Variants in KCNU1 observed in about 807,000 individuals in gnomAD.
KCNU1 encodes potassium calcium-activated channel subfamily U member 1, also known as potassium channel subfamily U member 1.
In KCNU1, 93 loss-of-function variants were observed where a neutral mutation model predicts 126.8. That is an observed-to-expected ratio of 0.73 (90% CI 0.62 to 0.87). KCNU1 has a LOEUF of 0.87. KCNU1 is among the 40% of genes least tolerant of loss of function. The probability of loss-of-function intolerance (pLI) is 0.00; values close to 1 mark genes in which losing one functional copy is unlikely to be tolerated. For synonymous variants in KCNU1, 523 were observed against 494.2 expected, an observed-to-expected ratio of 1.06 and a Z score of -0.77; for missense variants, 1,330 against 1,367.1, an observed-to-expected ratio of 0.97 and a Z score of 0.43.
intron 2 of KCNU1, among the ~76,000 whole-genome samples, chr8:36,793,344 A>G (rs1248225319): frequency 1.3e-5 from 2 of 151,958 alleles, no homozygotes; most frequent in African/African-American, 4.8e-5. Flanking sequence ...CCTAGAACTT[A>G]AAGTATAATA....
At position 36,918,896 on chromosome 8, in the gene KCNU1, G is replaced by C; in HGVS notation, c.2595G>C (p.Leu865=). The C allele has an allele frequency of 6.3e-7, 1 of 1,575,770 alleles. No homozygotes were observed. Among genetic ancestry groups the C allele is most frequent in the Non-Finnish European group, 8.7e-7 (1 of 1,146,186 alleles). The change falls in exon 23 of 27, where the codon CTG becomes CTC. Residue 865 remains leucine (L), a splice_region_variant and synonymous_variant. Transcript: ENST00000399881. The part of the protein sequence containing the change: ...NCRKVPILTE[L]KNPSNIHFIE... ...GAAAAGTCCCTATCCTTACTGAACT[G>C]AGTAAGTGGTGTTTCGAGGGGAAAA...
chr8:36,839,359 C>T (rs1404149559), intron 14 of KCNU1, among the ~76,000 whole-genome samples: 2 of 152,172 alleles, frequency 1.3e-5, no homozygotes, highest in Non-Finnish European at 2.9e-5. Context: ...CCCACGCTAT[C>T]ATTTTTTACC....
intron 20 of KCNU1, among the ~76,000 whole-genome samples, chr8:36,908,158 A>C (rs902011379): frequency 6.6e-6 from 1 of 152,146 alleles, no homozygotes; most frequent in Non-Finnish European, 1.5e-5. Flanking sequence ...CATACTCTGA[A>C]AGAAACCACA....
intron 4 of KCNU1, 72 bp downstream of exon 4, chr8:36,805,357 C>A: frequency 1.1e-6 from 1 of 911,712 alleles, no homozygotes; most frequent in Non-Finnish European, 1.8e-6. Context: ...CTAACTGTGT[C>A]TCAGTCCTAC....
chr8:36,829,169 T>C (rs1804435941), intron 10 of KCNU1, among the ~76,000 whole-genome samples: 1 of 152,138 alleles, frequency 6.6e-6, no homozygotes, highest in South Asian at 2.1e-4. Flanking sequence ...TTATTTGCAA[T>C]AATTCTTCAT....
intron 10 of KCNU1, among the ~76,000 whole-genome samples, chr8:36,820,308 G>A (rs1169404997): frequency 5.3e-5 from 8 of 152,134 alleles, no homozygotes; most frequent in Admixed American, 6.6e-5. Context: ...AGTGGTACTC[G>A]AAGGGTGCTA....
rs945958249 is a variant in KCNU1 at position 36,895,469 on chromosome 8, G to A, written c.2010-10239G>A. ...CAACCACTATTTCCGAACACTAAAT[G>A]ACTTCAAAACTTATTATTCACTGCA... On this transcript the variant is annotated intron_variant, in intron 19 of 26. Transcript: ENST00000399881. Among the ~76,000 whole-genome samples the A allele has an allele frequency of 2.0e-5, 3 of 152,154 alleles. No individual in the cohort carries two copies. The South Asian group carries it at 6.2e-4, about 32-fold the overall frequency.
intron 13 of KCNU1, 114 bp from the exon 14 acceptor site, chr8:36,836,679 A>C (rs984361876): frequency 3.2e-6 from 3 of 942,636 alleles, no homozygotes. Flanking sequence ...TGTGTGCAAA[A>C]ATGAAGAATA....
At chr8:36,841,982 A>T (rs568688510) in intron 16 of KCNU1, among the ~76,000 whole-genome samples, 1 of 152,248 alleles carries the variant, frequency 6.6e-6, no homozygotes, top group African/African-American at 2.4e-5. Flanking sequence ...ATCTGTTAAA[A>T]AAAAAAGAAA....
chr8:36,874,066 A>T (rs1366766424), intron 19 of KCNU1, among the ~76,000 whole-genome samples: 2 of 151,984 alleles, frequency 1.3e-5, no homozygotes, highest in Non-Finnish European at 2.9e-5. Flanking sequence ...TTTCTTATTT[A>T]TTTTTTTCCC....
At chr8:36,811,435 A>C (rs560137365) in intron 7 of KCNU1, among the ~76,000 whole-genome samples, 1 of 152,198 alleles carries the variant, frequency 6.6e-6, no homozygotes. Flanking sequence ...TCTTGACAAC[A>C]TTGGTCAATA....
At chr8:36,841,101 A>G (rs1804942300) in intron 16 of KCNU1, 98 bp downstream of exon 16, 4 of 805,530 alleles carry the variant, frequency 5.0e-6, no homozygotes, top group East Asian at 5.2e-5. Context: ...AGATGCAGCT[A>G]TAACTAAGCT....
chr8:36,884,215 A>G (rs1806600566), intron 19 of KCNU1, among the ~76,000 whole-genome samples: 1 of 152,186 alleles, frequency 6.6e-6, no homozygotes, highest in African/African-American at 2.4e-5. Flanking sequence ...TGTGCAAACC[A>G]GTCTATTTAT....
rs550665978 is a variant in KCNU1, at chr8:36,805,377, G to A, written c.468+92G>A. The A allele has an allele frequency of 4.2e-4, 328 of 776,104 alleles. 1 individual carries two copies. The highest frequency in any genetic ancestry group is 6.2e-4 in the Non-Finnish European group (284 of 460,594). 48.1% of individuals were successfully genotyped at this position (776,104 alleles called of 1,614,324 possible). A position where few individuals can be genotyped will look rare whatever the true frequency, so the allele number is the denominator to read the frequency against. ...TGTGTCTCAGTCCTACAATCTGCCC[G>A]AGTTTTCAACTCTAAAGATAGCTAA... On this transcript the variant is annotated intron_variant, in intron 4 of 26. Transcript: ENST00000399881.
At position 36,805,254 on chromosome 8, in the gene KCNU1, A is replaced by G. The variant is rs1803455331; in HGVS notation, c.437A>G (p.Asn146Ser). Residue 146 changes from asparagine (N) to serine (S), a missense_variant, in exon 4 of 27, where the codon AAT (asparagine) becomes AGT (serine). This residue lies in a region of KCNU1 where 247 missense variants were observed against 255.4 expected (regional missense o/e 0.97). Coordinates refer to ENST00000399881, the MANE Select transcript of KCNU1 (RefSeq NM_001031836.3). ...ACCATTCCTATTGATTTGGTTTTCA[A>G]TGCTTTCTTTAGTTTCTATTTTGGA... Reference protein sequence around the residue: ...DKTIPIDLVFNAFFSFYFGLR... With the variant: ...DKTIPIDLVFSAFFSFYFGLR... 6 of 1,607,120 alleles carry G rather than the reference A, an allele frequency of 3.7e-6. No individual in the cohort carries two copies. Among genetic ancestry groups the G allele is most frequent in the African/African-American group, 1.3e-5 (1 of 74,838 alleles).
intron 10 of KCNU1, among the ~76,000 whole-genome samples, chr8:36,828,198 G>C (rs1804396282): frequency 6.6e-6 from 1 of 152,002 alleles, no homozygotes; most frequent in East Asian, 1.9e-4. Flanking sequence ...TTGAGTGTTA[G>C]AAAATCAGGA....
chr8:36,930,527 CAAT>C (rs1420873158), intron 24 of KCNU1, among the ~76,000 whole-genome samples: 1 of 152,084 alleles, frequency 6.6e-6, no homozygotes, highest in Non-Finnish European at 1.5e-5. Flanking sequence ...GTATAGATGA[CAAT>C]AATATCATTA....
chr8:36,838,417 G>A (rs1804831162), intron 14 of KCNU1, among the ~76,000 whole-genome samples: 1 of 152,182 alleles, frequency 6.6e-6, no homozygotes, highest in Non-Finnish European at 1.5e-5. Context: ...GTGGCCAGGT[G>A]TGGTGGCTCA....
At chr8:36,814,120 G>T in intron 7 of KCNU1, 87 bp from the exon 8 acceptor site, 2 of 930,288 alleles carry the variant, frequency 2.1e-6, no homozygotes, top group Admixed American at 4.7e-5. Context: ...TGAATGAAGT[G>T]CAATTAATCT....
Sources: allele counts gnomAD v4.1 joint callset (sites outside exome capture counted in the v4.1 genomes callset), GRCh38; gene constraint gnomAD v4.1.1; regional missense constraint gnomAD v4.1.1; transcripts MANE v1.5; gene names NCBI Gene and HGNC (gene_info 2026-07-23, HGNC 2026-07-21).